PHTF2: variants seen among roughly 807,000 people sequenced by gnomAD.
The protein encoded by PHTF2 is protein PHTF2.
A neutral mutation model predicts 101.2 loss-of-function variants in PHTF2; 60 were observed. The observed-to-expected ratio is 0.59, with a 90% CI of 0.48 to 0.73. The LOEUF (loss-of-function observed/expected upper bound fraction) is 0.73. Ranked by LOEUF, PHTF2 falls within the 30% of genes least tolerant of loss-of-function variation. PHTF2 has a pLI of 0.00. For synonymous variants in PHTF2, 311 were observed against 307.3 expected (o/e 1.01, Z -0.13); for missense variants, 747 against 908.7 (o/e 0.82, Z 2.29).
intron 16 of PHTF2, among the ~76,000 whole-genome samples, chr7:77,945,294 C>T (rs1290603532): frequency 1.3e-5 from 2 of 152,122 alleles, no homozygotes; most frequent in East Asian, 1.9e-4. Context: ...GCCAAGGTCA[C>T]GCCACTGTAC....
At chr7:77,820,847 T>G (rs1248376962) in intron 1 of PHTF2, among the ~76,000 whole-genome samples, 1 of 152,246 alleles carries the variant, frequency 6.6e-6, no homozygotes, top group Non-Finnish European at 1.5e-5. Flanking sequence ...TTTTCCTCTC[T>G]TATTGTTTAT....
intron 3 of PHTF2, among the ~76,000 whole-genome samples, chr7:77,859,157 A>G (rs1334681184): frequency 6.6e-6 from 1 of 152,200 alleles, no homozygotes; most frequent in Non-Finnish European, 1.5e-5. Context: ...TGAGGACAGT[A>G]GTCATTGGAT....
chr7:77,929,275 A>G, exon 12 of PHTF2: 2 of 1,612,082 alleles, frequency 1.2e-6, no homozygotes, highest in Non-Finnish European at 1.7e-6. Context: ...GTGGAAAATC[A>G]TCAGATTAAT....
intron 2 of PHTF2, among the ~76,000 whole-genome samples, chr7:77,852,792 C>T (rs775202401): frequency 1.4e-4 from 21 of 152,096 alleles, no homozygotes; most frequent in Admixed American, 1.3e-4. Context: ...AATCTCTCAC[C>T]TTTTGTTTGT....
At chr7:77,914,964 T>G (rs1562945020) in intron 9 of PHTF2, among the ~76,000 whole-genome samples, 2 of 152,176 alleles carry the variant, frequency 1.3e-5, no homozygotes, top group Non-Finnish European at 2.9e-5. Context: ...CAGGCTGGAG[T>G]GCAGTGGCAC....
chr7:77,897,941 C>A (rs539066492), intron 5 of PHTF2, among the ~76,000 whole-genome samples: 29 of 151,180 alleles, frequency 1.9e-4, no homozygotes, highest in African/African-American at 6.3e-4. Context: ...CTCAGCCTCT[C>A]AAAGTGCTGA....
intron 1 of PHTF2, among the ~76,000 whole-genome samples, chr7:77,831,286 A>C (rs887717170): frequency 6.6e-6 from 1 of 152,260 alleles, no homozygotes; most frequent in African/African-American, 2.4e-5. Context: ...CCACTTCATC[A>C]AGTGTGTCTG....
chr7:77,829,870 G>A (rs1301360726), intron 1 of PHTF2, among the ~76,000 whole-genome samples: 2 of 152,178 alleles, frequency 1.3e-5, no homozygotes, highest in East Asian at 1.9e-4. Flanking sequence ...TGAGTGACAT[G>A]TCAGTAAATA....
At chr7:77,886,392 C>G (rs1332166980) in intron 3 of PHTF2, among the ~76,000 whole-genome samples, 5 of 152,186 alleles carry the variant, frequency 3.3e-5, no homozygotes, top group African/African-American at 4.8e-5. Flanking sequence ...CCAGAGCTGA[C>G]CTTGGCAGAT....
intron 5 of PHTF2, chr7:77,896,020 TAAAGA>T (rs1271940035): frequency 6.6e-6 from 1 of 152,122 alleles, no homozygotes; most frequent in East Asian, 1.9e-4. Flanking sequence ...GAGACAAAAT[TAAAGA>T]AAAGTTGTTC....
At chr7:77,820,916 CA>C (rs1181055012) in intron 1 of PHTF2, among the ~76,000 whole-genome samples, 1 of 151,988 alleles carries the variant, frequency 6.6e-6, no homozygotes, top group Non-Finnish European at 1.5e-5. Context: ...TCTTCTTTAT[CA>C]ACTCTACTGG....
intron 19 of PHTF2, among the ~76,000 whole-genome samples, chr7:77,954,353 C>T (rs971881406): frequency 1.3e-5 from 2 of 151,984 alleles, no homozygotes; most frequent in East Asian, 1.9e-4. Context: ...AGGCTGGTCT[C>T]GAACTCCTGA....
intron 12 of PHTF2, among the ~76,000 whole-genome samples, chr7:77,935,214 CTTTTTTTTTTTTTTT>C (rs1158677069): frequency 1.7e-5 from 1 of 59,248 alleles, no homozygotes; most frequent in Non-Finnish European, 3.2e-5. Flanking sequence ...GTAATTTACC[CTTTTTTTTTTTTTTT>C]TTTTTTTTTT....
intron 1 of PHTF2, among the ~76,000 whole-genome samples, chr7:77,831,242 G>A (rs1795055196): frequency 6.6e-6 from 1 of 152,242 alleles, no homozygotes; most frequent in Non-Finnish European, 1.5e-5. Context: ...AAAAAAACGT[G>A]AACATGAAGA....
chr7:77,951,290 A>G (rs527994766), intron 17 of PHTF2, among the ~76,000 whole-genome samples: 1 of 152,310 alleles, frequency 6.6e-6, no homozygotes, highest in African/African-American at 2.4e-5. Context: ...AAAGAAAGAA[A>G]GAAAAATTAT....
In PHTF2 at chr7:77,936,231, AT is replaced by A. The variant is rs552302744; in HGVS notation, c.1339-1471del. 2.6e-5 allele frequency among the ~76,000 whole-genome samples: 4 copies of A among 152,110 alleles called. No individual in the cohort carries two copies. In the East Asian group the frequency reaches 7.7e-4, roughly 29 times the overall value. On this transcript the variant is annotated intron_variant, in intron 12 of 19. Coordinates refer to ENST00000416283, the Ensembl canonical transcript of PHTF2. ...AAAGTGTTAAAAGTTTACAAGAAAC[AT>A]TTTTTTTACCATATTTTAATCACAT...
chr7:77,931,057 T>A (rs927344211), intron 12 of PHTF2, among the ~76,000 whole-genome samples: 13 of 152,194 alleles, frequency 8.5e-5, no homozygotes, highest in Admixed American at 8.5e-4. Context: ...TAAGTGGCAT[T>A]ACAAGTCAGT....
At chr7:77,951,737 A>G (rs1246746889) in intron 18 of PHTF2, 25 bp downstream of exon 17, 1 of 892,916 alleles carries the variant, frequency 1.1e-6, no homozygotes, top group Non-Finnish European at 1.7e-6. Context: ...GAAAATGGTT[A>G]TAATGTCAAA....
intron 2 of PHTF2, among the ~76,000 whole-genome samples, chr7:77,851,293 G>C (rs561749937): frequency 5.3e-5 from 8 of 152,016 alleles, no homozygotes; most frequent in Non-Finnish European, 1.2e-4. Context: ...ACTTATTATT[G>C]GTCTGTTCAG....
Sources: gnomAD v4.1 joint callset for allele counts (sites outside exome capture counted in the v4.1 genomes callset) on GRCh38, gnomAD v4.1.1 for gene constraint, MANE v1.5 for transcripts, NCBI Gene and HGNC (gene_info 2026-07-23, HGNC 2026-07-21) for gene names.